GRAP2: variants seen among roughly 807,000 people sequenced by gnomAD.
GRAP2 encodes the protein GRB2-related adapter protein 2.
Under a neutral mutation model 43.5 loss-of-function variants are expected in GRAP2, and 31 were observed. That is an observed-to-expected ratio of 0.71 (90% CI 0.54 to 0.96). The LOEUF (loss-of-function observed/expected upper bound fraction) is 0.96, where lower values mean the gene tolerates loss of function less well. Ranked by LOEUF, GRAP2 falls within the 40% of genes least tolerant of loss-of-function variation. The pLI is 0.00. For missense variants in GRAP2, 371 were observed against 424.4 expected, an observed-to-expected ratio of 0.87 and a Z score of 1.11; for synonymous variants, 156 against 164.8, an observed-to-expected ratio of 0.95 and a Z score of 0.41.
At chr22:39,959,748 C>T (rs1408214884) in intron 3 of GRAP2, among the ~76,000 whole-genome samples, 3 of 152,210 alleles carry the variant, frequency 2.0e-5, no homozygotes, top group Non-Finnish European at 4.4e-5. Context: ...CTGCTTCCTG[C>T]AGTGAGTCAC....
intron 1 of GRAP2, among the ~76,000 whole-genome samples, chr22:39,931,252 G>A (rs777914122): frequency 1.3e-5 from 2 of 152,210 alleles, no homozygotes; most frequent in Admixed American, 6.5e-5. Context: ...ATCTGAAAAC[G>A]AACCTGGATA....
intron 1 of GRAP2, among the ~76,000 whole-genome samples, chr22:39,941,089 G>T (rs905021635): frequency 1.3e-5 from 2 of 152,192 alleles, no homozygotes; most frequent in African/African-American, 4.8e-5. Context: ...CCTTTTAAAT[G>T]GCTCCTTCTG....
chr22:39,958,411 T>C (rs970028197), intron 3 of GRAP2, among the ~76,000 whole-genome samples: 1 of 152,296 alleles, frequency 6.6e-6, no homozygotes, highest in Admixed American at 6.5e-5. Flanking sequence ...TTAATTATTT[T>C]GTTCTTTTGT....
chr22:39,914,191 A>G (rs1023321272), intron 1 of GRAP2, among the ~76,000 whole-genome samples: 2 of 152,176 alleles, frequency 1.3e-5, no homozygotes, highest in African/African-American at 4.8e-5. Flanking sequence ...ACAAAGGAGG[A>G]GGAATATAAA....
At chr22:39,931,247 A>G (rs2066752413) in intron 1 of GRAP2, among the ~76,000 whole-genome samples, 2 of 152,222 alleles carry the variant, frequency 1.3e-5, no homozygotes, top group South Asian at 4.1e-4. Flanking sequence ...AGAAAATCTG[A>G]AAACGAACCT....
intron 4 of GRAP2, among the ~76,000 whole-genome samples, chr22:39,962,823 T>C (rs1297903648): frequency 1.3e-5 from 2 of 152,016 alleles, no homozygotes; most frequent in Admixed American, 1.3e-4. Flanking sequence ...CACGCCTGGC[T>C]AATTTGTGTG....
At chr22:39,924,261 T>C (rs1458761805) in intron 1 of GRAP2, among the ~76,000 whole-genome samples, 4 of 152,226 alleles carry the variant, frequency 2.6e-5, no homozygotes, top group Admixed American at 2.6e-4. Flanking sequence ...CACATTCTTA[T>C]TACTCCCAAG....
At chr22:39,968,408 G>A (rs2067198794) in intron 6 of GRAP2, 136 bp downstream of exon 6, 2 of 947,838 alleles carry the variant, frequency 2.1e-6, no homozygotes, top group Admixed American at 2.4e-5. Flanking sequence ...CAGAAATAGG[G>A]AAACTGTTCT....
At chr22:39,933,858 A>G (rs2066780828) in intron 1 of GRAP2, among the ~76,000 whole-genome samples, 1 of 151,944 alleles carries the variant, frequency 6.6e-6, no homozygotes, top group Admixed American at 6.6e-5. Flanking sequence ...AAAAAAAGAA[A>G]AGAAAGAAAG....
intron 3 of GRAP2, among the ~76,000 whole-genome samples, chr22:39,958,073 A>G (rs1161704947): frequency 1.3e-5 from 2 of 152,060 alleles, no homozygotes; most frequent in East Asian, 3.9e-4. Context: ...GACCCTTCCC[A>G]CCAGGCTCCC....
At position 39,933,578 on chromosome 22, in the gene GRAP2, C is replaced by T. The variant is rs114110998; in HGVS notation, c.-14-13515C>T. Reference sequence around the variant, plus strand: ...TGTCAAGGCCGGGTATGGTGGCTCACGTCTGTAATTCCAGCACTTTCGGAG... The same window carrying T: ...TGTCAAGGCCGGGTATGGTGGCTCATGTCTGTAATTCCAGCACTTTCGGAG... On this transcript the variant is annotated intron_variant, in intron 1 of 7. Transcript: ENST00000344138. Among the ~76,000 whole-genome samples the T allele has an allele frequency of 9.0e-3, 1,375 of 152,084 alleles. 16 individuals carry two copies. The highest frequency in any genetic ancestry group is 0.031 in the African/African-American group (1,303 of 41,464).
the GRAP2 span, among the ~76,000 whole-genome samples, chr22:39,894,497 G>C: frequency 6.6e-6 from 1 of 152,088 alleles, no homozygotes; most frequent in Non-Finnish European, 1.5e-5. Flanking sequence ...CAGCGCACCA[G>C]CATGGCACAT....
chr22:39,930,949 C>G (rs760714873), intron 1 of GRAP2, among the ~76,000 whole-genome samples: 1 of 152,244 alleles, frequency 6.6e-6, no homozygotes, highest in Admixed American at 6.5e-5. Context: ...CTGCACCTGT[C>G]TCCGTCCTAG....
chr22:39,947,189 G>A lies in GRAP2; in HGVS notation c.78+5G>A. 1 of 1,517,024 alleles carries A rather than the reference G, an allele frequency of 6.6e-7. No individual in the cohort carries two copies. 94.0% of individuals were successfully genotyped at this position (1,517,024 alleles called of 1,614,324 possible). ...CACACTGGAGATGTTTTGAAGGTAG[G>A]TGACCTGGGGCCCCAGGGGAGCAGT... On this transcript the variant is annotated splice_donor_5th_base_variant and intron_variant, in intron 2 of 7. Transcript: ENST00000344138.
intron 1 of GRAP2, among the ~76,000 whole-genome samples, chr22:39,909,657 A>G (rs942198989): frequency 1.3e-5 from 2 of 152,212 alleles, no homozygotes; most frequent in Admixed American, 6.5e-5. Flanking sequence ...CCTTTCCCCT[A>G]AGGAATGAAC....
chr22:39,931,464 A>C (rs1256644620), intron 1 of GRAP2, among the ~76,000 whole-genome samples: 2 of 152,168 alleles, frequency 1.3e-5, no homozygotes, highest in African/African-American at 4.8e-5. Flanking sequence ...GGATGGTGCA[A>C]ATCATATAAA....
intron 1 of GRAP2, among the ~76,000 whole-genome samples, chr22:39,940,224 G>A (rs917189331): frequency 6.6e-6 from 1 of 152,150 alleles, no homozygotes; most frequent in African/African-American, 2.4e-5. Context: ...AGTAAGAAGG[G>A]TAACATTTCC....
chr22:39,966,375 C>A (rs1466283066), intron 5 of GRAP2, among the ~76,000 whole-genome samples: 1 of 152,184 alleles, frequency 6.6e-6, no homozygotes. Context: ...AAAGTAGGGA[C>A]AATGGTAATA....
chr22:39,925,903 C>T (rs1417584815), intron 1 of GRAP2, among the ~76,000 whole-genome samples: 2 of 152,210 alleles, frequency 1.3e-5, no homozygotes, highest in African/African-American at 4.8e-5. Context: ...CCTTTACCTC[C>T]CCTCTTAGGC....
Sources: gnomAD v4.1 joint callset for allele counts (sites outside exome capture counted in the v4.1 genomes callset) on GRCh38, gnomAD v4.1.1 for gene constraint, MANE v1.5 for transcripts, NCBI Gene and HGNC (gene_info 2026-07-23, HGNC 2026-07-21) for gene names.